NRDC: variants seen among roughly 807,000 people sequenced by gnomAD.
NRDC encodes the protein nardilysin.
A neutral mutation model predicts 147.1 loss-of-function variants in NRDC; 54 were observed. That is an observed-to-expected ratio of 0.37 (90% CI 0.29 to 0.46). The LOEUF (loss-of-function observed/expected upper bound fraction) is 0.46, where lower values mean the gene tolerates loss of function less well. Ranked by LOEUF, NRDC falls within the 20% of genes least tolerant of loss-of-function variation. The probability of loss-of-function intolerance (pLI) is 1.00; values close to 1 mark genes in which losing one functional copy is unlikely to be tolerated. For synonymous variants in NRDC, 440 were observed against 482.1 expected, an observed-to-expected ratio of 0.91 and a Z score of 1.14; for missense variants, 1,082 against 1,370.6, an observed-to-expected ratio of 0.79 and a Z score of 3.33.
chr1:51,874,985 G>A (rs1683253082), intron 1 of NRDC, among the ~76,000 whole-genome samples: 1 of 152,160 alleles, frequency 6.6e-6, no homozygotes, highest in Non-Finnish European at 1.5e-5. Context: ...ATGATGCTAT[G>A]TACTGTAATG....
intron 13 of NRDC, 63 bp from the exon 14 acceptor site, chr1:51,814,152 G>A: frequency 1.0e-6 from 1 of 993,960 alleles, no homozygotes; most frequent in Admixed American, 1.8e-5. Flanking sequence ...GAGGGAGAAG[G>A]GCGGGAGGAG....
chr1:51,828,369 G>A (rs953336091), intron 4 of NRDC, among the ~76,000 whole-genome samples: 1 of 152,056 alleles, frequency 6.6e-6, no homozygotes, highest in Non-Finnish European at 1.5e-5. Context: ...ATCACAGATA[G>A]TCTATTTATG....
At chr1:51,809,005 A>G (rs1679591297) in intron 17 of NRDC, among the ~76,000 whole-genome samples, 2 of 152,208 alleles carry the variant, frequency 1.3e-5, no homozygotes, top group Non-Finnish European at 2.9e-5. Context: ...GATAATGGCA[A>G]TCCCTAAGGA....
intron 1 of NRDC, among the ~76,000 whole-genome samples, chr1:51,845,913 A>G (rs567061157): frequency 1.1e-3 from 173 of 152,280 alleles, no homozygotes; most frequent in African/African-American, 4.1e-3. Flanking sequence ...TAGGTACTTA[A>G]TATCTACTTA....
intron 4 of NRDC, among the ~76,000 whole-genome samples, chr1:51,832,267 G>C (rs189532268): frequency 2.6e-5 from 4 of 151,942 alleles, no homozygotes; most frequent in Non-Finnish European, 4.4e-5. Flanking sequence ...GGCTGGTCTC[G>C]AACTCCTGGC....
At chr1:51,796,732 C>T (rs1270088801) in intron 22 of NRDC, among the ~76,000 whole-genome samples, 2 of 151,462 alleles carry the variant, frequency 1.3e-5, no homozygotes, top group African/African-American at 2.4e-5. Context: ...GAACTACAGG[C>T]ATGTGCCACC....
At chr1:51,823,612 C>G in intron 7 of NRDC, 52 bp downstream of exon 7, 1 of 1,491,562 alleles carries the variant, frequency 6.7e-7, no homozygotes, top group South Asian at 1.3e-5. Context: ...GCAAACAAAT[C>G]CTAAGAAAGC....
At chr1:51,804,000 G>A in intron 19 of NRDC, 36 bp from the exon 20 acceptor site, 3 of 1,523,434 alleles carry the variant, frequency 2.0e-6, no homozygotes, top group Non-Finnish European at 1.8e-6. Context: ...ATCTTTAATT[G>A]GTAAGAAAGA....
At position 51,861,476 on chromosome 1, in the gene NRDC, C is replaced by G. The variant is rs180931586; in HGVS notation, c.341+16799G>C. Among the ~76,000 whole-genome samples the G allele has an allele frequency of 3.3e-5, 5 of 151,548 alleles. No individual in the cohort carries two copies. The East Asian group carries it at 9.7e-4, about 29-fold the overall frequency. On this transcript the variant is annotated intron_variant, in intron 1 of 30. Transcript: ENST00000352171. Reference sequence around the variant, plus strand: ...TCCCAAGTAGCTGGGACTACAGGTGCATGCCATGAGGCCTGGCTTTTTATT... The same window carrying G: ...TCCCAAGTAGCTGGGACTACAGGTGGATGCCATGAGGCCTGGCTTTTTATT...
intron 1 of NRDC, among the ~76,000 whole-genome samples, chr1:51,850,801 C>T (rs182910434): frequency 6.6e-6 from 1 of 152,280 alleles, no homozygotes; most frequent in East Asian, 1.9e-4. Context: ...AAAACTGTTA[C>T]CTGCAAATCA....
At chr1:51,828,684 T>C (rs1680561545) in intron 4 of NRDC, among the ~76,000 whole-genome samples, 1 of 151,550 alleles carries the variant, frequency 6.6e-6, no homozygotes. Flanking sequence ...AATAGAATGA[T>C]TTAAAAAATT....
At position 51,809,384 on chromosome 1, in the gene NRDC, C is replaced by T; in HGVS notation, c.1921G>A (p.Ala641Thr). The change falls in exon 17 of 31, where the codon GCT becomes ACT. Residue 641 changes from alanine (A) to threonine (T), a missense_variant. Physicochemically the swap from Ala to Thr is moderately conservative, Grantham distance 58 (BLOSUM62 0). This residue lies in a region of NRDC where 635 missense variants were observed against 923.8 expected (regional missense o/e 0.69). Transcript: ENST00000352171. ...YSIEDIENSW[A>T]ELWNSNFELN... is the part of the protein sequence containing the mutation. ...TCGAAATTACTATTCCACAGTTCAG[C>T]CCAAGAGTTTTCAATATCTGTAAAG... The T allele has an allele frequency of 6.2e-7, 1 of 1,612,664 alleles. No homozygotes were observed. Among genetic ancestry groups the T allele is most frequent in the East Asian group, 2.2e-5 (1 of 44,832 alleles).
At chr1:51,858,495 A>G (rs1461931078) in intron 1 of NRDC, among the ~76,000 whole-genome samples, 1 of 152,006 alleles carries the variant, frequency 6.6e-6, no homozygotes, top group East Asian at 1.9e-4. Context: ...AAAAAGGCAA[A>G]TAAAAAGCTC....
At chr1:51,812,653 A>C (rs1284081630) in intron 14 of NRDC, among the ~76,000 whole-genome samples, 1 of 152,214 alleles carries the variant, frequency 6.6e-6, no homozygotes, top group African/African-American at 2.4e-5. Context: ...CAGCCTCTTC[A>C]TGAGAGCAAT....
intron 1 of NRDC, among the ~76,000 whole-genome samples, chr1:51,844,604 A>T (rs538865297): frequency 6.6e-6 from 1 of 151,444 alleles, no homozygotes; most frequent in Non-Finnish European, 1.5e-5. Flanking sequence ...TTAGCCAGGC[A>T]TGGCGGCGCG....
At chr1:51,820,164 AT>A (rs1680149851) in intron 8 of NRDC, among the ~76,000 whole-genome samples, 1 of 152,226 alleles carries the variant, frequency 6.6e-6, no homozygotes, top group Non-Finnish European at 1.5e-5. Flanking sequence ...GCCTCATTTA[AT>A]TTCAGTTCTC....
rs1022057145 is a variant in NRDC, at chr1:51,790,602, C to T, written c.3099G>A (p.Gly1033=). The change falls in exon 29 of 31, where the codon GGG becomes GGA. Residue 1033 remains glycine, a synonymous_variant. Coordinates refer to ENST00000352171, the MANE Select transcript of NRDC (RefSeq NM_001101662.2). The part of the protein sequence containing the change: ...KLKECEDTHL[G]EEVDRNWNEV... ...CATTCCAGTTCCTATCCACCTCCTCCCCAAGGTGGGTATCCTCACACTCCT... is the reference window on the plus strand; with the variant it reads ...CATTCCAGTTCCTATCCACCTCCTCTCCAAGGTGGGTATCCTCACACTCCT... 1.9e-6 allele frequency: 3 copies of T among 1,613,712 alleles called. No homozygotes were observed. Among genetic ancestry groups the T allele is most frequent in the Non-Finnish European group, 2.5e-6 (3 of 1,179,762 alleles).
At chr1:51,854,882 G>T (rs1682156425) in intron 1 of NRDC, among the ~76,000 whole-genome samples, 3 of 152,170 alleles carry the variant, frequency 2.0e-5, no homozygotes, top group Admixed American at 6.5e-5. Flanking sequence ...CACACCAAAA[G>T]GATCTGCCAG....
At chr1:51,793,008 C>G (rs1678725724) in intron 24 of NRDC, among the ~76,000 whole-genome samples, 1 of 152,254 alleles carries the variant, frequency 6.6e-6, no homozygotes, top group African/African-American at 2.4e-5. Flanking sequence ...CTCCCAGAGT[C>G]AGGATCTTGC....
Sources: allele counts gnomAD v4.1 joint callset (sites outside exome capture counted in the v4.1 genomes callset), GRCh38; gene constraint gnomAD v4.1.1; regional missense constraint gnomAD v4.1.1; transcripts MANE v1.5; gene names NCBI Gene and HGNC (gene_info 2026-07-23, HGNC 2026-07-21).